Variants in TMPRSS7 observed in about 807,000 individuals in gnomAD.
The protein encoded by TMPRSS7 is transmembrane serine protease 7.
A neutral mutation model predicts 95.6 loss-of-function variants in TMPRSS7; 81 were observed. The observed-to-expected ratio is 0.85, with a 90% confidence interval of 0.71 to 1.02. The LOEUF is 1.02. Ranked by LOEUF, TMPRSS7 falls within the 50% of genes least tolerant of loss-of-function variation. The probability of loss-of-function intolerance (pLI) is 0.00; values close to 1 mark genes in which losing one functional copy is unlikely to be tolerated. For synonymous variants in TMPRSS7, 364 were observed against 337.8 expected, an observed-to-expected ratio of 1.08 and a Z score of -0.85; for missense variants, 945 against 955.2, an observed-to-expected ratio of 0.99 and a Z score of 0.14.
chr3:112,035,051 T>C (rs150623020), intron 1 of TMPRSS7, among the ~76,000 whole-genome samples, 158 bp downstream of exon 1: 2 of 152,346 alleles, frequency 1.3e-5, no homozygotes, highest in East Asian at 3.9e-4. Flanking sequence ...TGTGAGCTTA[T>C]TATAAAGTGC....
At chr3:112,064,342 G>GT (rs1268397051) in intron 12 of TMPRSS7, among the ~76,000 whole-genome samples, 1 of 38,664 alleles carries the variant, frequency 2.6e-5, no homozygotes. Context: ...GGTTTTGTGT[G>GT]TGTGTTTTCT....
At chr3:112,042,900 T>A in intron 3 of TMPRSS7, 1 of 411,024 alleles carries the variant, frequency 2.4e-6, no homozygotes, top group Non-Finnish European at 5.0e-6. Context: ...ACTAGAACGT[T>A]GCTGTCAATT....
chr3:112,058,927 T>C (rs1261042181), intron 10 of TMPRSS7, among the ~76,000 whole-genome samples: 1 of 152,222 alleles, frequency 6.6e-6, no homozygotes, highest in Non-Finnish European at 1.5e-5. Context: ...CCTCAGGATT[T>C]AAAATGCCAG....
chr3:112,054,729 CTTTTTTTTTTTTT>C (rs1161735611), intron 9 of TMPRSS7, among the ~76,000 whole-genome samples: 49 of 49,028 alleles, frequency 1.0e-3, no homozygotes, highest in African/African-American at 3.5e-3. Flanking sequence ...TCTCAGTTTG[CTTTTTTTTTTTTT>C]TTTTTTTTTT....
intron 12 of TMPRSS7, among the ~76,000 whole-genome samples, chr3:112,064,881 T>C (rs2073555023): frequency 6.6e-6 from 1 of 152,314 alleles, no homozygotes; most frequent in Middle Eastern, 3.4e-3. Flanking sequence ...TGTGACACCA[T>C]TGGCAGCATT....
intron 17 of TMPRSS7, among the ~76,000 whole-genome samples, chr3:112,079,107 A>G (rs1453650507): frequency 1.3e-5 from 2 of 152,186 alleles, no homozygotes; most frequent in Non-Finnish European, 2.9e-5. Context: ...TTTTCCTTCA[A>G]TATTTAGAGG....
intron 9 of TMPRSS7, among the ~76,000 whole-genome samples, chr3:112,054,922 G>A (rs2073413541): frequency 6.6e-6 from 1 of 151,612 alleles, no homozygotes. Flanking sequence ...TCTATTTTTA[G>A]TAGAGACGGA....
chr3:112,078,684 C>T, intron 16 of TMPRSS7, 58 bp from the exon 17 acceptor site: 1 of 1,605,270 alleles, frequency 6.2e-7, no homozygotes. Context: ...CAAATGAAGT[C>T]CTGAATACAT....
chr3:112,052,759 C>T (rs934041895), intron 9 of TMPRSS7, among the ~76,000 whole-genome samples: 4 of 152,116 alleles, frequency 2.6e-5, no homozygotes, highest in African/African-American at 4.8e-5. Flanking sequence ...AAAGCTCTGT[C>T]GAATGTTTGA....
At chr3:112,068,385 A>G (rs1399854975) in intron 13 of TMPRSS7, among the ~76,000 whole-genome samples, 2 of 152,194 alleles carry the variant, frequency 1.3e-5, no homozygotes, top group East Asian at 3.9e-4. Context: ...CTTGATGGAG[A>G]TGGCATTGAA....
Position 112,078,729 on chromosome 3 carries a change from A to T in TMPRSS7, c.2225-13A>T, listed in dbSNP as rs200044469. 3 of 1,613,962 alleles carry T rather than the reference A, an allele frequency of 1.9e-6. No homozygotes were observed. In the South Asian group the frequency reaches 3.3e-5, roughly 18 times the overall value. ...ACCACTAACATCATTTCTACTTCCA[A>T]TGTGTTTTGCAGATAATAAAGGCTC... On this transcript the variant is annotated splice_polypyrimidine_tract_variant and intron_variant, in intron 16 of 17. Transcript: ENST00000452346.
rs190519275 is a variant in TMPRSS7, at chr3:112,079,123, G to A, written c.2361+245G>A. Among the ~76,000 whole-genome samples, 656 of 152,260 alleles carry A rather than the reference G, an allele frequency of 4.3e-3. 1 individual carries two copies. The highest frequency in any genetic ancestry group is 6.9e-3 in the Non-Finnish European group (470 of 68,016). ...TTTCCTTCAATATTTAGAGGATGAG[G>A]TCAGCATTCATCATTCTGCCATAAT... On this transcript the variant is annotated intron_variant, in intron 17 of 17. Transcript: ENST00000452346.
chr3:112,064,499 C>T (rs1429105534), intron 12 of TMPRSS7, among the ~76,000 whole-genome samples: 1 of 151,970 alleles, frequency 6.6e-6, no homozygotes, highest in Non-Finnish European at 1.5e-5. Context: ...CAGGTGTGCA[C>T]CACCATGTAT....
exon 12 of TMPRSS7, chr3:112,063,525 C>T: frequency 6.2e-7 from 1 of 1,613,456 alleles, no homozygotes; most frequent in South Asian, 1.1e-5. Context: ...TTGCCCATAG[C>T]CTGCCCTGTT....
rs527393704 is a variant in TMPRSS7, at chr3:112,044,274, C to T, written c.449C>T (p.Thr150Ile). The change falls in exon 4 of 18, where the codon ACA (threonine) becomes ATA (isoleucine). Residue 150 changes from threonine to isoleucine, a missense_variant. Transcript: ENST00000452346. ...TTTCAGATAAACCTGGTTTATACAA[C>T]ATCTGCCTTCTCCAAATTTTATGAG... 1.2e-5 allele frequency: 18 copies of T among 1,550,928 alleles called. No homozygotes were observed. The East Asian group carries it at 3.7e-4, about 32-fold the overall frequency.
chr3:112,048,102 C>G, intron 7 of TMPRSS7, 135 bp downstream of exon 7: 1 of 719,202 alleles, frequency 1.4e-6, no homozygotes, highest in Non-Finnish European at 2.3e-6. Flanking sequence ...CTGACCCGTG[C>G]CCTATTTAGT....
intron 5 of TMPRSS7, 78 bp downstream of exon 5, chr3:112,046,021 T>A: frequency 8.0e-7 from 1 of 1,245,114 alleles, no homozygotes; most frequent in Non-Finnish European, 1.1e-6. Flanking sequence ...GTCAACATTG[T>A]AATGAAGCAT....
At chr3:112,065,203 CT>C (rs2073558975) in intron 12 of TMPRSS7, among the ~76,000 whole-genome samples, 1 of 152,074 alleles carries the variant, frequency 6.6e-6, no homozygotes, top group Non-Finnish European at 1.5e-5. Flanking sequence ...ACCAATGCCA[CT>C]AACTCTTTTT....
exon 14 of TMPRSS7, chr3:112,074,326 G>A: frequency 6.2e-7 from 1 of 1,614,034 alleles, no homozygotes; most frequent in South Asian, 1.1e-5. Context: ...ACTTTTAAGT[G>A]TGGCAATGAT....
Sources: gnomAD v4.1 joint callset for allele counts (sites outside exome capture counted in the v4.1 genomes callset) on GRCh38, gnomAD v4.1.1 for gene constraint, MANE v1.5 for transcripts, NCBI Gene and HGNC (gene_info 2026-07-23, HGNC 2026-07-21) for gene names.